Variants in IL1RAPL1 observed in about 807,000 individuals in gnomAD.
IL1RAPL1 encodes the protein interleukin 1 receptor accessory protein like 1, also known as interleukin-1 receptor accessory protein-like 1.
Under a neutral mutation model 48.4 loss-of-function variants are expected in IL1RAPL1, and 3 were observed. That is an observed-to-expected ratio of 0.06 (90% CI 0.03 to 0.16). IL1RAPL1 has a LOEUF of 0.16. IL1RAPL1 is among the 10% of genes least tolerant of loss of function. The pLI is 1.00. For synonymous variants in IL1RAPL1, 185 were observed against 187.7 expected, an observed-to-expected ratio of 0.99 and a Z score of 0.12; for missense variants, 349 against 530.6, an observed-to-expected ratio of 0.66 and a Z score of 3.36.
intron 2 of IL1RAPL1, among the ~76,000 whole-genome samples, chrX:29,088,672 C>CAA (rs1182451817): frequency 4.8e-3 from 155 of 32,388 alleles, no homozygotes; most frequent in Admixed American, 6.6e-3. Context: ...CACTCCTTCT[C>CAA]AAAAAAAAAA....
Position 29,584,042 on chromosome X carries a change from A to G in IL1RAPL1, c.704-84388A>G, listed in dbSNP as rs1230743453. Among the ~76,000 whole-genome samples, 3 of 111,150 alleles carry G rather than the reference A, an allele frequency of 2.7e-5. No homozygotes were observed. The East Asian group carries it at 8.5e-4, about 32-fold the overall frequency. On this transcript the variant is annotated intron_variant, in intron 5 of 10. Transcript: ENST00000378993. ...CTCCTCTGGCACTGGTCCCTTGCTT[A>G]CTTGTGCTTGGCCTGTCTGTTGCTG...
chrX:29,538,593 C>T (rs763730919), intron 5 of IL1RAPL1, among the ~76,000 whole-genome samples: 2 of 108,422 alleles, frequency 1.8e-5, no homozygotes, highest in South Asian at 8.1e-4. Flanking sequence ...CCACCTCGGC[C>T]TCCCAAAGTG....
intron 1 of IL1RAPL1, among the ~76,000 whole-genome samples, chrX:28,599,339 T>C (rs1299830417): frequency 9.0e-6 from 1 of 110,562 alleles, no homozygotes; most frequent in East Asian, 2.9e-4. Context: ...TCTCTGTCAG[T>C]ATTACTTTCC....
At chrX:29,815,069 G>T in intron 6 of IL1RAPL1, among the ~76,000 whole-genome samples, 1 of 111,437 alleles carries the variant, frequency 9.0e-6, no homozygotes, top group East Asian at 2.8e-4. Flanking sequence ...GCTCATTTTT[G>T]GTTCTGTATA....
chrX:28,920,867 G>A, intron 2 of IL1RAPL1, among the ~76,000 whole-genome samples: 1 of 111,950 alleles, frequency 8.9e-6, no homozygotes, highest in Non-Finnish European at 1.9e-5. Context: ...CACTACCTGT[G>A]CCTCTTTGAG....
At chrX:29,635,925 T>C (rs962748546) in intron 5 of IL1RAPL1, among the ~76,000 whole-genome samples, 2 of 111,332 alleles carry the variant, frequency 1.8e-5, no homozygotes, top group African/African-American at 3.3e-5. Context: ...CAAAGACTCA[T>C]CTTAAAATGT....
intron 2 of IL1RAPL1, among the ~76,000 whole-genome samples, chrX:29,124,900 T>G (rs1371882405): frequency 8.9e-6 from 1 of 112,054 alleles, no homozygotes; most frequent in African/African-American, 3.2e-5. Flanking sequence ...TAGTGTATTG[T>G]TCACTAATGT....
chrX:29,685,254 G>A (rs1356709341), intron 6 of IL1RAPL1, among the ~76,000 whole-genome samples: 1 of 112,050 alleles, frequency 8.9e-6, no homozygotes, highest in Admixed American at 9.4e-5. Flanking sequence ...TGTAATGCCA[G>A]CACTTTGGGA....
At chrX:29,153,748 T>A (rs1391521266) in intron 2 of IL1RAPL1, among the ~76,000 whole-genome samples, 1 of 112,270 alleles carries the variant, frequency 8.9e-6, no homozygotes, top group Non-Finnish European at 1.9e-5. Flanking sequence ...AAAATTACCA[T>A]TTAGCTTATG....
chrX:29,445,197 G>C (rs951762714), intron 5 of IL1RAPL1, among the ~76,000 whole-genome samples: 1 of 112,000 alleles, frequency 8.9e-6, no homozygotes, highest in Non-Finnish European at 1.9e-5. Flanking sequence ...CTATTTTCTG[G>C]AATGTTTCTA....
At chrX:29,277,956 T>A (rs763983574) in intron 2 of IL1RAPL1, among the ~76,000 whole-genome samples, 91 of 111,868 alleles carry the variant, frequency 8.1e-4, no homozygotes, top group African/African-American at 2.9e-3. Flanking sequence ...TGAGGTCAGG[T>A]GTAGAATTTT....
At chrX:29,757,365 T>G (rs772568468) in intron 6 of IL1RAPL1, among the ~76,000 whole-genome samples, 1 of 111,837 alleles carries the variant, frequency 8.9e-6, no homozygotes, top group Non-Finnish European at 1.9e-5. Flanking sequence ...GACAAGCAGT[T>G]CATAAACTAA....
intron 2 of IL1RAPL1, among the ~76,000 whole-genome samples, chrX:29,111,171 C>A (rs1309574798): frequency 1.8e-5 from 2 of 111,076 alleles, no homozygotes; most frequent in Non-Finnish European, 3.8e-5. Flanking sequence ...ATGTTTTGAA[C>A]CCCCATGTGT....
intron 2 of IL1RAPL1, among the ~76,000 whole-genome samples, chrX:28,854,436 A>G (rs68101836): frequency 4.4e-5 from 2 of 45,965 alleles, no homozygotes; most frequent in Non-Finnish European, 3.4e-5. Context: ...AAGATGTGAA[A>G]TTTAGGAAGA....
At chrX:29,071,180 T>C (rs930817467) in intron 2 of IL1RAPL1, among the ~76,000 whole-genome samples, 4 of 112,030 alleles carry the variant, frequency 3.6e-5, no homozygotes, top group South Asian at 3.6e-4. Context: ...TATTAGTGTT[T>C]GTATTTTTTG....
intron 6 of IL1RAPL1, among the ~76,000 whole-genome samples, chrX:29,906,487 A>C (rs867841414): frequency 2.9e-5 from 1 of 34,063 alleles, no homozygotes; most frequent in Non-Finnish European, 5.0e-5. Flanking sequence ...ATATATATAT[A>C]TATATATATA....
At chrX:29,463,233 T>C (rs1475602022) in intron 5 of IL1RAPL1, among the ~76,000 whole-genome samples, 1 of 110,234 alleles carries the variant, frequency 9.1e-6, no homozygotes, top group African/African-American at 3.3e-5. Context: ...CAAAGAAAGA[T>C]AGACAAATAG....
intron 6 of IL1RAPL1, among the ~76,000 whole-genome samples, chrX:29,863,050 G>A (rs1931624512): frequency 9.3e-6 from 1 of 107,521 alleles, no homozygotes; most frequent in Non-Finnish European, 1.9e-5. Context: ...GAAAAATGTA[G>A]TCACAAAAGA....
chrX:29,084,436 A>G lies in IL1RAPL1; in HGVS notation c.83-198502A>G, dbSNP rs377558708. Among the ~76,000 whole-genome samples the G allele has an allele frequency of 8.9e-5, 10 of 112,085 alleles. No individual in the cohort carries two copies. In the East Asian group the frequency reaches 1.7e-3, roughly 19 times the overall value. On this transcript the variant is annotated intron_variant, in intron 2 of 10. Coordinates refer to ENST00000378993, the MANE Select transcript of IL1RAPL1 (RefSeq NM_014271.4). Reference sequence around the variant, plus strand: ...AAATAACTGGACTGTGGTCCCTAAAAAAAGAGAAATCTGCTTAGGAAAAAT... The same window carrying G: ...AAATAACTGGACTGTGGTCCCTAAAGAAAGAGAAATCTGCTTAGGAAAAAT...
Sources: gnomAD v4.1 joint callset for allele counts (sites outside exome capture counted in the v4.1 genomes callset) on GRCh38, gnomAD v4.1.1 for gene constraint, MANE v1.5 for transcripts, NCBI Gene and HGNC (gene_info 2026-07-23, HGNC 2026-07-21) for gene names.